Variants in GTF3C4 observed in about 807,000 individuals in gnomAD.
GTF3C4 encodes the protein general transcription factor IIIC subunit 4, also known as general transcription factor 3C polypeptide 4.
GTF3C4 carries 28 observed loss-of-function variants against 67.5 expected under a neutral mutation model. The observed-to-expected ratio is 0.41, with a 90% CI of 0.31 to 0.57. GTF3C4 has a LOEUF of 0.57. GTF3C4 is among the 20% of genes least tolerant of loss of function. GTF3C4 has a pLI of 0.21. For synonymous variants in GTF3C4, 409 were observed against 393.0 expected (o/e 1.04, Z -0.48); for missense variants, 831 against 1,033.2 (o/e 0.80, Z 2.68).
chr9:132,672,389 G>A (rs904742792), intron 1 of GTF3C4, among the ~76,000 whole-genome samples: 4 of 152,172 alleles, frequency 2.6e-5, no homozygotes, highest in Admixed American at 6.5e-5. Flanking sequence ...TGGTGAATCT[G>A]CAGCAGTCCT....
chr9:132,685,175 C>T (rs949084465), intron 3 of GTF3C4, among the ~76,000 whole-genome samples: 12 of 151,898 alleles, frequency 7.9e-5, no homozygotes, highest in Non-Finnish European at 1.5e-4. Context: ...CCACCACACC[C>T]GGCTAATTTT....
At chr9:132,688,817 A>G (rs1836069242) in intron 4 of GTF3C4, 64 bp from the exon 5 acceptor site, 2 of 1,167,122 alleles carry the variant, frequency 1.7e-6, no homozygotes, top group Non-Finnish European at 2.6e-6. Flanking sequence ...ACAGTCCGGT[A>G]TTCATCCCTT....
chr9:132,683,432 TC>T (rs1451441193), intron 2 of GTF3C4, 130 bp from the exon 3 acceptor site: 1 of 743,722 alleles, frequency 1.3e-6, no homozygotes, highest in African/African-American at 1.8e-5. Context: ...AATGCAAATC[TC>T]CTGTCTTCTG....
rs1165573011 is a variant in GTF3C4 at position 132,689,132 on chromosome 9, A to T, written c.*187A>T. 1 of 579,214 alleles carries T rather than the reference A, an allele frequency of 1.7e-6. No individual in the cohort carries two copies. The highest frequency in any genetic ancestry group is 3.1e-6 in the Non-Finnish European group (1 of 323,484). The allele number at this position is 579,214 out of a possible 1,614,324, so 35.9% of individuals were successfully genotyped here. A position where few individuals can be genotyped will look rare whatever the true frequency, so the allele number is the denominator to read the frequency against. ...ACTCTCCATTTCCAGAGACTAAAGGATGTCCTTTGAAATGGCTGGACTCAG... is the reference window on the plus strand; with the variant it reads ...ACTCTCCATTTCCAGAGACTAAAGGTTGTCCTTTGAAATGGCTGGACTCAG... On this transcript the variant is annotated 3_prime_UTR_variant, in exon 5 of 5. Transcript: ENST00000372146.
At chr9:132,673,124 T>C (rs1052720788) in intron 1 of GTF3C4, among the ~76,000 whole-genome samples, 1 of 151,984 alleles carries the variant, frequency 6.6e-6, no homozygotes, top group South Asian at 2.1e-4. Context: ...CGGAGCTTGC[T>C]ATGAGCCAAG....
chr9:132,680,722 C>A (rs1200762037), intron 2 of GTF3C4, among the ~76,000 whole-genome samples: 2 of 152,224 alleles, frequency 1.3e-5, no homozygotes, highest in African/African-American at 2.4e-5. Flanking sequence ...TGTGTACACA[C>A]GTTCGCCTTT....
At chr9:132,685,559 C>G (rs945659636) in intron 3 of GTF3C4, among the ~76,000 whole-genome samples, 2 of 149,212 alleles carry the variant, frequency 1.3e-5, no homozygotes, top group African/African-American at 4.9e-5. Flanking sequence ...CACTATGTTG[C>G]CCATGGCAGA....
At chr9:132,674,122 G>T (rs985078434) in intron 1 of GTF3C4, among the ~76,000 whole-genome samples, 14 of 152,204 alleles carry the variant, frequency 9.2e-5, no homozygotes, top group Admixed American at 5.9e-4. Context: ...AAAGCTTCAA[G>T]TGAATTTTTG....
rs1206604536 is a variant in GTF3C4 at position 132,679,191 on chromosome 9, G to A, written c.1572G>A (p.Gln524=). The change falls in exon 2 of 5, where the codon CAG becomes CAA. Residue 524 remains glutamine (Q), a synonymous_variant. Transcript: ENST00000372146. The surrounding 1 kb of genome is among the most constrained non-coding windows in gnomAD (Gnocchi z 5.9). The stretch of plus-strand genomic sequence containing the variant: ...AAACCTTTGAAGAGGCAGCTGCTCA[G>A]CTCCTGGAATCTTCAGTTCAAAACC... ...TLKTFEEAAA[Q]LLESSVQNLF... 1.2e-6 allele frequency: 2 copies of A among 1,614,160 alleles called. No individual in the cohort carries two copies. Among genetic ancestry groups the A allele is most frequent in the Admixed American group, 3.3e-5 (2 of 60,034 alleles).
At position 132,678,214 on chromosome 9, in the gene GTF3C4, A is replaced by G; in HGVS notation, c.595A>G (p.Arg199Gly). The G allele has an allele frequency of 6.2e-7, 1 of 1,614,254 alleles. No homozygotes were observed. Among genetic ancestry groups the G allele is most frequent in the Non-Finnish European group, 8.5e-7 (1 of 1,180,050 alleles). The part of the protein sequence containing the change: ...NRLTIQANLN[R>G]LQWVQLVDLT... The stretch of plus-strand genomic sequence containing the variant: ...CCTGACCATCCAGGCAAATCTCAAC[A>G]GACTGCAGTGGGTCCAGCTGGTTGA... Residue 199 changes from arginine to glycine, a missense_variant, in exon 2 of 5, where the codon AGA (arginine) becomes GGA (glycine). Arg to Gly is a moderately radical substitution (Grantham distance 125, BLOSUM62 -2). Around this residue, in one of 4 missense-constraint regions of GTF3C4, gnomAD observed 390 missense variants for 540.3 expected, o/e 0.72. Coordinates refer to ENST00000372146, the MANE Select transcript of GTF3C4 (RefSeq NM_012204.4). This position sits in a 1 kb window ranked among gnomAD's most constrained non-coding sequence, Gnocchi z 6.5.
At chr9:132,670,106 G>A (rs755132183), upstream of GTF3C4, 16 of 1,572,346 alleles carry the variant, frequency 1.0e-5, no homozygotes, top group Non-Finnish European at 1.4e-5. Flanking sequence ...GCACCGGGCG[G>A]GTAGGGACAA....
chr9:132,686,369 T>G (rs1313255597), intron 3 of GTF3C4, among the ~76,000 whole-genome samples: 1 of 152,026 alleles, frequency 6.6e-6, no homozygotes, highest in Non-Finnish European at 1.5e-5. Context: ...GTTGTAATCT[T>G]TCTTCCTAGA....
intron 2 of GTF3C4, among the ~76,000 whole-genome samples, chr9:132,682,593 A>ATTTT (rs1348933474): frequency 1.6e-5 from 2 of 124,378 alleles, no homozygotes; most frequent in African/African-American, 7.0e-5. Flanking sequence ...AAACAGTATA[A>ATTTT]TCTTTTTTTT....
intron 1 of GTF3C4, among the ~76,000 whole-genome samples, chr9:132,673,925 T>C (rs1835828563): frequency 6.6e-6 from 1 of 152,216 alleles, no homozygotes; most frequent in African/African-American, 2.4e-5. Flanking sequence ...GGACTACTGA[T>C]TTAGTGACTC....
At chr9:132,683,345 T>C (rs1224305207) in intron 2 of GTF3C4, among the ~76,000 whole-genome samples, 1 of 152,240 alleles carries the variant, frequency 6.6e-6, no homozygotes, top group African/African-American at 2.4e-5. Flanking sequence ...TGAATAAATT[T>C]ATTTTATTTA....
chr9:132,683,979 C>T lies in GTF3C4; in HGVS notation c.2315+286C>T, dbSNP rs114599016. 2.2e-3 allele frequency among the ~76,000 whole-genome samples: 329 copies of T among 152,320 alleles called. 2 individuals carry two copies. The highest frequency in any genetic ancestry group is 7.6e-3 in the African/African-American group (314 of 41,566). ...ATTATGGCTCCTCTTCCTAGCCTCACTCTAAGACCTTGGTGTGTCCTCATG... is the reference window on the plus strand; with the variant it reads ...ATTATGGCTCCTCTTCCTAGCCTCATTCTAAGACCTTGGTGTGTCCTCATG... On this transcript the variant is annotated intron_variant, in intron 3 of 4. Transcript: ENST00000372146.
chr9:132,683,914 A>G (rs1356943150), intron 3 of GTF3C4, among the ~76,000 whole-genome samples: 2 of 152,082 alleles, frequency 1.3e-5, no homozygotes, highest in East Asian at 3.9e-4. Flanking sequence ...AATATATAGG[A>G]GTTTTCTTGT....
intron 2 of GTF3C4, among the ~76,000 whole-genome samples, chr9:132,681,792 T>A (rs150525025): frequency 1.2e-4 from 19 of 152,214 alleles, no homozygotes; most frequent in African/African-American, 4.3e-4. Context: ...AGATCAGGGC[T>A]ACTGAGAACA....
In GTF3C4 at chr9:132,687,281, A is replaced by G; in HGVS notation, c.2358A>G (p.Arg786=). Residue 786 remains arginine, a synonymous_variant, in exon 4 of 5, where the codon AGA becomes AGG. Transcript: ENST00000372146. ...TYQSCQSLIY[R]RCLLHDSIAR... is the part of the protein sequence containing the mutation. ...AGTCCTGCCAGAGTTTGATATATAG[A>G]AGGTGTTTGCTCCATGACAGCATTG... 7.2e-7 allele frequency: 1 copy of G among 1,391,698 alleles called. No homozygotes were observed. The allele number at this position is 1,391,698 out of a possible 1,614,324, so 86.2% of individuals were successfully genotyped here. A position where few individuals can be genotyped will look rare whatever the true frequency, so the allele number is the denominator to read the frequency against.
Sources: allele counts gnomAD v4.1 joint callset (sites outside exome capture counted in the v4.1 genomes callset), GRCh38; gene constraint gnomAD v4.1.1; regional missense constraint gnomAD v4.1.1; non-coding constraint Gnocchi (gnomAD v3.1); transcripts MANE v1.5; gene names NCBI Gene and HGNC (gene_info 2026-07-23, HGNC 2026-07-21).